The following ACTN1 variants were observed in gnomAD, a reference collection of about 807,000 sequenced individuals.
ACTN1 encodes actinin alpha 1.
ACTN1 carries 30 observed loss-of-function variants against 119.6 expected under a neutral mutation model. That is an observed-to-expected ratio of 0.25 (90% CI 0.19 to 0.34). The LOEUF is 0.34. ACTN1 is among the 10% of genes least tolerant of loss of function. The pLI, the probability that ACTN1 is intolerant of heterozygous loss-of-function variation, is 1.00. For synonymous variants in ACTN1, 429 were observed against 472.6 expected, an observed-to-expected ratio of 0.91 and a Z score of 1.20; for missense variants, 764 against 1,223.4, an observed-to-expected ratio of 0.62 and a Z score of 5.60.
Position 68,892,212 on chromosome 14 carries a change from C to G in ACTN1, c.927G>C (p.Met309Ile). 1.9e-6 allele frequency: 3 copies of G among 1,614,208 alleles called. No individual in the cohort carries two copies. The highest frequency in any genetic ancestry group is 2.5e-6 in the Non-Finnish European group (3 of 1,180,044). ...NRVPENTMHA[M>I]QQKLEDFRDY... is the part of the protein sequence containing the mutation. Reference sequence around the variant, plus strand: ...CCCGGAAGTCCTCCAGCTTCTGTTGCATGGCATGCATGGTGTTCTCGGGCA... The same window carrying G: ...CCCGGAAGTCCTCCAGCTTCTGTTGGATGGCATGCATGGTGTTCTCGGGCA... The change falls in exon 10 of 22, where the codon ATG (methionine) becomes ATC (isoleucine). Residue 309 changes from methionine to isoleucine, a missense_variant. Physicochemically the swap from Met to Ile is conservative, Grantham distance 10. Coordinates refer to ENST00000394419, the MANE Select transcript of ACTN1 (RefSeq NM_001130004.2).
At position 68,885,652 on chromosome 14, in the gene ACTN1, C is replaced by G. The variant is rs1429439675; in HGVS notation, c.1235-77G>C. 1 of 1,514,684 alleles carries G rather than the reference C, an allele frequency of 6.6e-7. No individual in the cohort carries two copies. Among genetic ancestry groups the G allele is most frequent in the African/African-American group, 1.4e-5 (1 of 72,898 alleles). 93.8% of individuals were successfully genotyped at this position (1,514,684 alleles called of 1,614,324 possible). On this transcript the variant is annotated intron_variant, in intron 11 of 21. Coordinates refer to ENST00000394419, the MANE Select transcript of ACTN1 (RefSeq NM_001130004.2). This position sits in a 1 kb window ranked among gnomAD's most constrained non-coding sequence, Gnocchi z 5.6. Reference sequence around the variant, plus strand: ...GGTCCCAACCGCCCACCCCTCAGGGCCCCAGGAGCTCCACTTCTGGGGGTG... The same window carrying G: ...GGTCCCAACCGCCCACCCCTCAGGGGCCCAGGAGCTCCACTTCTGGGGGTG...
At chr14:68,903,898 C>T (rs1285957405) in intron 7 of ACTN1, among the ~76,000 whole-genome samples, 2 of 152,192 alleles carry the variant, frequency 1.3e-5, no homozygotes, top group Non-Finnish European at 2.9e-5. Context: ...GCTGGGTTTC[C>T]AGCCCCAGGC....
intron 1 of ACTN1, among the ~76,000 whole-genome samples, chr14:68,946,996 C>T (rs767222580): frequency 3.3e-5 from 5 of 152,338 alleles, no homozygotes; most frequent in Middle Eastern, 6.8e-3. Context: ...TTCCAAGGGG[C>T]CATACTTGTC....
Position 68,888,486 on chromosome 14 carries a change from G to A in ACTN1, c.1234+1653C>T, listed in dbSNP as rs370509505. Among the ~76,000 whole-genome samples, 8 of 152,238 alleles carry A rather than the reference G, an allele frequency of 5.3e-5. No individual in the cohort carries two copies. The East Asian group carries it at 1.5e-3, about 29-fold the overall frequency. On this transcript the variant is annotated intron_variant, in intron 11 of 21. Transcript: ENST00000394419. ...CCATACACGCACAGTGGATGTGGGG[G>A]CAGCAACCTCTTACCATTGTGTGCA... is the stretch of plus-strand genomic sequence containing the variant.
chr14:68,907,060 G>A (rs1371451932), intron 6 of ACTN1, among the ~76,000 whole-genome samples: 1 of 151,922 alleles, frequency 6.6e-6, no homozygotes, highest in Admixed American at 6.6e-5. Flanking sequence ...ATCACCTGAG[G>A]TCAGGAGTTC....
At chr14:68,898,501 G>T (rs2033037397) in intron 8 of ACTN1, among the ~76,000 whole-genome samples, 1 of 152,186 alleles carries the variant, frequency 6.6e-6, no homozygotes. Context: ...AAAGACAGTG[G>T]AGAGGATGGA....
chr14:68,925,318 CT>C lies in ACTN1; in HGVS notation c.220+239del, dbSNP rs36108835. Among the ~76,000 whole-genome samples, 29,568 of 121,282 alleles carry C rather than the reference CT, an allele frequency of 0.24. 3,513 individuals carry two copies. Among genetic ancestry groups the C allele is most frequent in the Non-Finnish European group, 0.26 (15,856 of 60,102 alleles). 79.6% of individuals were successfully genotyped at this position (121,282 alleles called of 152,430 possible). ...GAAGGAACCTCAGTTCCTTCAAACCCTTTTTTTTTTTTTTTTTTTTTTTAAA... is the reference window on the plus strand; with the variant it reads ...GAAGGAACCTCAGTTCCTTCAAACCCTTTTTTTTTTTTTTTTTTTTTTAAA... On this transcript the variant is annotated intron_variant, in intron 2 of 21. Coordinates refer to ENST00000394419, the MANE Select transcript of ACTN1 (RefSeq NM_001130004.2). This position sits in a 1 kb window ranked among gnomAD's most constrained non-coding sequence, Gnocchi z 4.3.
At chr14:68,915,166 T>C (rs2034217667) in intron 3 of ACTN1, among the ~76,000 whole-genome samples, 1 of 152,106 alleles carries the variant, frequency 6.6e-6, no homozygotes, top group Non-Finnish European at 1.5e-5. Context: ...CCTCCACAGC[T>C]TCCCACCTCC....
rs2031163209 is a variant in ACTN1 at position 68,878,617 on chromosome 14, CA to C, written c.2362-95del. The C allele has an allele frequency of 1.9e-6, 3 of 1,580,944 alleles. No homozygotes were observed. The East Asian group carries it at 6.9e-5, about 36-fold the overall frequency. Reference sequence around the variant, plus strand: ...GGCCAGGAAGACAGGAACAGATGGCCAGAACGGGGATGAGATTTATGGTTTT... The same window carrying C: ...GGCCAGGAAGACAGGAACAGATGGCCGAACGGGGATGAGATTTATGGTTTT... On this transcript the variant is annotated intron_variant, in intron 19 of 21. Coordinates refer to ENST00000394419, the MANE Select transcript of ACTN1 (RefSeq NM_001130004.2). This position sits in a 1 kb window ranked among gnomAD's most constrained non-coding sequence, Gnocchi z 4.4.
At chr14:68,907,089 A>C (rs928505154) in intron 6 of ACTN1, among the ~76,000 whole-genome samples, 1 of 151,576 alleles carries the variant, frequency 6.6e-6, no homozygotes, top group African/African-American at 2.4e-5. Flanking sequence ...CCTGGCCAAC[A>C]TGGTGAAATC....
intron 21 of ACTN1, among the ~76,000 whole-genome samples, chr14:68,875,512 T>C (rs1302332384): frequency 1.3e-5 from 2 of 152,260 alleles, no homozygotes; most frequent in Non-Finnish European, 2.9e-5. Context: ...CCAGGCTATG[T>C]TAAGCAGCTT....
At position 68,909,380 on chromosome 14, in the gene ACTN1, C is replaced by T. The variant is rs1333205766; in HGVS notation, c.532G>A (p.Gly178Ser). 1.2e-5 allele frequency: 19 copies of T among 1,613,922 alleles called. No homozygotes were observed. Among genetic ancestry groups the T allele is most frequent in the Admixed American group, 1.7e-5 (1 of 60,004 alleles). ...TGTCGGTGGATCAAAGCACAGAAGC[C>T]GAGGCCATCCTTCCAGCTGCCCGGG... is the stretch of plus-strand genomic sequence containing the variant. ...NFHISWKDGL[G>S]FCALIHRHRP... is the part of the protein sequence containing the mutation. Residue 178 changes from glycine (G) to serine (S), a missense_variant, in exon 6 of 22, where the codon GGC becomes AGC. Around this residue, in one of 4 missense-constraint regions of ACTN1, gnomAD observed 54 missense variants for 153.2 expected, o/e 0.35. Coordinates refer to ENST00000394419, the MANE Select transcript of ACTN1 (RefSeq NM_001130004.2). This position sits in a 1 kb window ranked among gnomAD's most constrained non-coding sequence, Gnocchi z 4.1.
At chr14:68,917,580 A>G (rs2034373011) in intron 3 of ACTN1, among the ~76,000 whole-genome samples, 1 of 150,762 alleles carries the variant, frequency 6.6e-6, no homozygotes, top group African/African-American at 2.4e-5. Context: ...ACATCAATAA[A>G]CTCCATTTCA....
intron 1 of ACTN1, among the ~76,000 whole-genome samples, chr14:68,935,809 C>G (rs529574461): frequency 1.3e-5 from 2 of 152,178 alleles, no homozygotes; most frequent in Non-Finnish European, 2.9e-5. Context: ...GTGGAATAAA[C>G]AAGATAACCC....
At chr14:68,927,522 G>A (rs988315275) in intron 1 of ACTN1, among the ~76,000 whole-genome samples, 1 of 152,196 alleles carries the variant, frequency 6.6e-6, no homozygotes, top group African/African-American at 2.4e-5. Context: ...GAACAAGTGG[G>A]GAACTGGATG....
intron 1 of ACTN1, among the ~76,000 whole-genome samples, chr14:68,942,469 G>A (rs544354032): frequency 1.3e-5 from 2 of 152,298 alleles, no homozygotes; most frequent in Admixed American, 6.5e-5. Flanking sequence ...TTTCTGCAGA[G>A]CATCACCATG....
intron 3 of ACTN1, 75 bp downstream of exon 3, chr14:68,920,931 A>C (rs1751853139): frequency 1.3e-6 from 2 of 1,579,170 alleles, no homozygotes; most frequent in South Asian, 2.3e-5. Context: ...CCCAGGAGGC[A>C]GCACAAAAAA....
chr14:68,932,539 T>TA (rs1555355047), intron 1 of ACTN1, among the ~76,000 whole-genome samples: 3,233 of 117,102 alleles, frequency 0.028, 169 homozygotes, highest in African/African-American at 0.071. Context: ...TTTTTTTTTT[T>TA]AATTTTTCTT....
chr14:68,977,056 C>T (rs2037085498), intron 1 of ACTN1, among the ~76,000 whole-genome samples: 1 of 152,290 alleles, frequency 6.6e-6, no homozygotes, highest in African/African-American at 2.4e-5. Context: ...TCTCACAGTC[C>T]TTTCAGGGGC....
Sources: gnomAD v4.1 joint callset for allele counts (sites outside exome capture counted in the v4.1 genomes callset) on GRCh38, gnomAD v4.1.1 for gene constraint, gnomAD v4.1.1 regional missense constraint, Gnocchi (gnomAD v3.1) non-coding constraint, MANE v1.5 for transcripts, NCBI Gene and HGNC (gene_info 2026-07-23, HGNC 2026-07-21) for gene names.